The following RPS6KC1 variants were observed in gnomAD, a reference collection of about 807,000 sequenced individuals.
RPS6KC1 encodes inactive ribosomal protein S6 kinase delta-1.
In RPS6KC1, 54 loss-of-function variants were observed where a neutral mutation model predicts 103.8. The ratio of observed to expected loss-of-function variants is 0.52; its 90% CI spans 0.42 to 0.65. The LOEUF (loss-of-function observed/expected upper bound fraction) is 0.65. Ranked by LOEUF, RPS6KC1 falls within the 30% of genes least tolerant of loss-of-function variation. RPS6KC1 has a pLI of 0.00. For missense variants in RPS6KC1, 1,151 were observed against 1,253.8 expected, an observed-to-expected ratio of 0.92 and a Z score of 1.24; for synonymous variants, 439 against 438.7, an observed-to-expected ratio of 1.00 and a Z score of -0.01.
chr1:213,690,515 G>A, the RPS6KC1 span, among the ~76,000 whole-genome samples: 6 of 152,266 alleles, frequency 3.9e-5, no homozygotes, highest in East Asian at 1.2e-3. Context: ...TTTACTGACT[G>A]GCCAATCAAA....
At chr1:213,597,639 C>T in the RPS6KC1 span, among the ~76,000 whole-genome samples, 1 of 152,304 alleles carries the variant, frequency 6.6e-6, no homozygotes, top group African/African-American at 2.4e-5. Flanking sequence ...GACTAAGTCA[C>T]TCAGAGCCTC....
chr1:213,370,744 A>G, the RPS6KC1 span, among the ~76,000 whole-genome samples: 1 of 152,220 alleles, frequency 6.6e-6, no homozygotes, highest in African/African-American at 2.4e-5. Flanking sequence ...AGTTGGAGCC[A>G]GGATGTAAAC....
chr1:213,606,037 G>A, the RPS6KC1 span, among the ~76,000 whole-genome samples: 3 of 152,214 alleles, frequency 2.0e-5, no homozygotes, highest in African/African-American at 7.2e-5. Flanking sequence ...GTCTGCTCAG[G>A]GAGGACGGTG....
At chr1:213,275,182 C>T (rs1282481066), downstream of RPS6KC1, among the ~76,000 whole-genome samples, 2 of 152,150 alleles carry the variant, frequency 1.3e-5, no homozygotes, top group Non-Finnish European at 2.9e-5. Context: ...TATGTATTAC[C>T]ACATTTTGTT....
At chr1:213,194,153 T>C (rs1331176832) in intron 8 of RPS6KC1, among the ~76,000 whole-genome samples, 2 of 152,224 alleles carry the variant, frequency 1.3e-5, no homozygotes, top group South Asian at 2.1e-4. Flanking sequence ...ATGGTTTCCA[T>C]TGGCATGGAG....
chr1:213,167,649 G>A (rs1407358628), intron 6 of RPS6KC1, among the ~76,000 whole-genome samples: 1 of 152,106 alleles, frequency 6.6e-6, no homozygotes, highest in Non-Finnish European at 1.5e-5. Flanking sequence ...ATTTAAATAG[G>A]AGAATGTTAG....
chr1:213,776,735 T>G, the RPS6KC1 span, among the ~76,000 whole-genome samples: 12 of 152,190 alleles, frequency 7.9e-5, no homozygotes, highest in Non-Finnish European at 1.5e-4. Context: ...AACCAGACAT[T>G]GACTTCTCCT....
the RPS6KC1 span, among the ~76,000 whole-genome samples, chr1:213,752,358 A>G: frequency 6.6e-6 from 1 of 152,188 alleles, no homozygotes; most frequent in African/African-American, 2.4e-5. Context: ...CCATATGTAA[A>G]AGAAAAAAAA....
the RPS6KC1 span, among the ~76,000 whole-genome samples, chr1:213,583,965 C>A: frequency 6.6e-6 from 1 of 152,202 alleles, no homozygotes; most frequent in African/African-American, 2.4e-5. Flanking sequence ...GGCTGTGTCC[C>A]CACCCAAATC....
the RPS6KC1 span, among the ~76,000 whole-genome samples, chr1:213,309,778 G>A: frequency 6.6e-6 from 1 of 151,378 alleles, no homozygotes; most frequent in African/African-American, 2.4e-5. Flanking sequence ...TCTGCCTCCC[G>A]GGTTCAAGCG....
chr1:213,265,003 A>G (rs147117607), intron 14 of RPS6KC1, among the ~76,000 whole-genome samples: 8 of 152,358 alleles, frequency 5.3e-5, no homozygotes, highest in Non-Finnish European at 8.8e-5. Flanking sequence ...TAGCATGTAC[A>G]TTAGTTAATT....
rs532469902 is a variant in RPS6KC1 at position 213,220,809 on chromosome 1, T to G, written c.1045-9688T>G. Among the ~76,000 whole-genome samples, 14 of 152,358 alleles carry G rather than the reference T, an allele frequency of 9.2e-5. No homozygotes were observed. The South Asian group carries it at 2.5e-3, about 27-fold the overall frequency. The stretch of plus-strand genomic sequence containing the variant: ...TTTACAATAAATGTATGCCAGTTAT[T>G]CAGTGTTAGAATTGAATATAGTTAG... On this transcript the variant is annotated intron_variant, in intron 8 of 14. Transcript: ENST00000366960.
At chr1:213,547,737 G>A in the RPS6KC1 span, among the ~76,000 whole-genome samples, 6 of 152,060 alleles carry the variant, frequency 3.9e-5, no homozygotes, top group Non-Finnish European at 7.4e-5. Context: ...CTTTTTCTTC[G>A]TCCTTCCTCT....
chr1:213,298,867 T>C, the RPS6KC1 span, among the ~76,000 whole-genome samples: 1 of 152,318 alleles, frequency 6.6e-6, no homozygotes, highest in South Asian at 2.1e-4. Flanking sequence ...AAGTGCTGTG[T>C]TACAAATTTC....
At chr1:213,631,542 C>T in the RPS6KC1 span, among the ~76,000 whole-genome samples, 2 of 152,076 alleles carry the variant, frequency 1.3e-5, no homozygotes, top group African/African-American at 2.4e-5. Context: ...GTAAAAACCT[C>T]ATTGAATATG....
chr1:213,552,883 C>T, the RPS6KC1 span, among the ~76,000 whole-genome samples: 3 of 152,148 alleles, frequency 2.0e-5, no homozygotes, highest in Non-Finnish European at 4.4e-5. Context: ...TCTTTCTCTC[C>T]CTTCTACCTT....
the RPS6KC1 span, among the ~76,000 whole-genome samples, chr1:213,486,810 C>A: frequency 6.6e-6 from 1 of 152,176 alleles, no homozygotes; most frequent in Non-Finnish European, 1.5e-5. Flanking sequence ...ACGGGCCCAG[C>A]TTACAAAGCG....
At chr1:213,706,567 G>A in the RPS6KC1 span, among the ~76,000 whole-genome samples, 32 of 152,022 alleles carry the variant, frequency 2.1e-4, no homozygotes, top group Non-Finnish European at 3.8e-4. Flanking sequence ...TTATTATTAT[G>A]CTTTATATTC....
At chr1:213,252,122 G>T (rs1255768406) in intron 12 of RPS6KC1, among the ~76,000 whole-genome samples, 1 of 152,230 alleles carries the variant, frequency 6.6e-6, no homozygotes, top group East Asian at 1.9e-4. Context: ...GTCATCGGCT[G>T]CAGTGGAAGA....
Sources: gnomAD v4.1 joint callset for allele counts (sites outside exome capture counted in the v4.1 genomes callset) on GRCh38, gnomAD v4.1.1 for gene constraint, MANE v1.5 for transcripts, NCBI Gene and HGNC (gene_info 2026-07-23, HGNC 2026-07-21) for gene names.